F3: variants seen among roughly 807,000 people sequenced by gnomAD.
F3 encodes tissue factor.
In F3, 18 loss-of-function variants were observed where a neutral mutation model predicts 33.5. The ratio of observed to expected loss-of-function variants is 0.54; its 90% CI spans 0.37 to 0.80. The LOEUF (loss-of-function observed/expected upper bound fraction) is 0.80. F3 is among the 30% of genes least tolerant of loss of function. The pLI is 0.00. For synonymous variants in F3, 147 were observed against 140.7 expected, an observed-to-expected ratio of 1.05 and a Z score of -0.32; for missense variants, 353 against 362.1, an observed-to-expected ratio of 0.97 and a Z score of 0.20.
In F3 at chr1:94,532,313, C is replaced by A; in HGVS notation, c.751+8G>T. ...ACCCCCAGGCAAATGGCTGGCAGAG[C>A]CACTCACCTCTGAATTCCCCTTTCT... On this transcript the variant is annotated splice_region_variant and intron_variant, in intron 5 of 5. Transcript: ENST00000334047. 6.2e-7 allele frequency: 1 copy of A among 1,613,030 alleles called. No homozygotes were observed. Among genetic ancestry groups the A allele is most frequent in the Middle Eastern group, 1.7e-4 (1 of 6,012 alleles).
chr1:94,532,379 G>A lies in F3; in HGVS notation c.693C>T (p.Asn231=). 2 of 1,614,158 alleles carry A rather than the reference G, an allele frequency of 1.2e-6. No homozygotes were observed. Among genetic ancestry groups the A allele is most frequent in the South Asian group, 2.2e-5 (2 of 91,086 alleles). The change falls in exon 5 of 6, where the codon AAC becomes AAT. Residue 231 remains asparagine, a synonymous_variant. Transcript: ENST00000334047. ...CTACCGGGCTGTCTGTACTCTTCCG[G>A]TTAACTGTTCGGGAGGGAATCACTG... ...VQAVIPSRTV[N]RKSTDSPVEC...
chr1:94,541,439 C>A (rs1190384046), intron 1 of F3, 98 bp downstream of exon 1: 2 of 971,290 alleles, frequency 2.1e-6, no homozygotes, highest in Non-Finnish European at 2.8e-6. Context: ...ACAACATGGG[C>A]GCCCCGGGGA....
intron 2 of F3, among the ~76,000 whole-genome samples, chr1:94,538,899 C>A (rs532958721): frequency 6.6e-6 from 1 of 152,272 alleles, no homozygotes; most frequent in South Asian, 2.1e-4. Context: ...TGTAGCCCTG[C>A]GCTCTGCTGT....
intron 3 of F3, 42 bp from the exon 4 acceptor site, chr1:94,533,310 T>C (rs1297282165): frequency 1.3e-5 from 20 of 1,583,224 alleles, no homozygotes; most frequent in Non-Finnish European, 1.5e-5. Context: ...CAAAGAATTC[T>C]GTACAAAGTC....
chr1:94,531,759 G>C (rs1651435223), intron 5 of F3, among the ~76,000 whole-genome samples: 1 of 152,166 alleles, frequency 6.6e-6, no homozygotes, highest in Admixed American at 6.5e-5. Flanking sequence ...CGCACAATGG[G>C]CCTGAGCTCC....
chr1:94,536,433 C>T (rs922984718), intron 2 of F3, among the ~76,000 whole-genome samples: 1 of 152,120 alleles, frequency 6.6e-6, no homozygotes, highest in Non-Finnish European at 1.5e-5. Context: ...CCTAGCAACA[C>T]CGAGCACTTG....
intron 2 of F3, among the ~76,000 whole-genome samples, chr1:94,537,300 A>C (rs1570865592): frequency 6.6e-6 from 1 of 152,200 alleles, no homozygotes; most frequent in East Asian, 1.9e-4. Context: ...TGTCCCATGG[A>C]AAGTGACAGT....
chr1:94,537,156 A>C (rs1651630694), intron 2 of F3, among the ~76,000 whole-genome samples: 1 of 152,182 alleles, frequency 6.6e-6, no homozygotes, highest in Non-Finnish European at 1.5e-5. Context: ...TAAAAAGCTA[A>C]AGACAGATCT....
chr1:94,531,023 G>T (rs755593643), intron 5 of F3, among the ~76,000 whole-genome samples: 26 of 152,184 alleles, frequency 1.7e-4, no homozygotes, highest in Non-Finnish European at 3.1e-4. Flanking sequence ...GCCTTCTGGT[G>T]GAAGTGGCGT....
chr1:94,538,219 G>C (rs1395935371), intron 2 of F3, among the ~76,000 whole-genome samples: 2 of 152,230 alleles, frequency 1.3e-5, no homozygotes, highest in East Asian at 1.9e-4. Flanking sequence ...TTTGGTTGCA[G>C]GTTGTTTTCC....
At chr1:94,536,688 A>G (rs1283271805) in intron 2 of F3, among the ~76,000 whole-genome samples, 1 of 152,196 alleles carries the variant, frequency 6.6e-6, no homozygotes. Flanking sequence ...TTTTCCATCA[A>G]GATGAGGCAA....
intron 2 of F3, among the ~76,000 whole-genome samples, chr1:94,537,803 G>A (rs918467406): frequency 6.6e-6 from 1 of 152,196 alleles, no homozygotes; most frequent in African/African-American, 2.4e-5. Context: ...AAAGTAGAGA[G>A]GGTATTTTGT....
rs1173409750 is a variant in F3 at position 94,529,379 on chromosome 1, G to T, written c.*1081C>A. 1.3e-5 allele frequency: 2 copies of T among 152,222 alleles called. No individual in the cohort carries two copies. Among genetic ancestry groups the T allele is most frequent in the East Asian group, 3.9e-4 (2 of 5,180 alleles). The allele number at this position is 152,222 out of a possible 1,614,324, so 9.4% of individuals were successfully genotyped here. A position where few individuals can be genotyped will look rare whatever the true frequency, so the allele number is the denominator to read the frequency against. ...TAAATTATCTCAATATATACAAATAGAACAATATTACCTACATAAATAGAA... is the reference window on the plus strand; with the variant it reads ...TAAATTATCTCAATATATACAAATATAACAATATTACCTACATAAATAGAA... On this transcript the variant is annotated 3_prime_UTR_variant, in exon 6 of 6. Transcript: ENST00000334047.
At chr1:94,541,509 C>G (rs966045798) in intron 1 of F3, 28 bp downstream of exon 1, 3 of 1,443,766 alleles carry the variant, frequency 2.1e-6, no homozygotes, top group Non-Finnish European at 1.8e-6. Flanking sequence ...TGGCGCGCCC[C>G]GGGCTTCCAG....
chr1:94,530,382 T>C lies in F3; in HGVS notation c.*78A>G. On this transcript the variant is annotated 3_prime_UTR_variant, in exon 6 of 6. Transcript: ENST00000334047. ...CATGCTCCGAAATACTCATTTGCGT[T>C]TCCATGTATTCTATCCTCTTAAAAG... 2 of 1,568,436 alleles carry C rather than the reference T, an allele frequency of 1.3e-6. No homozygotes were observed. Among genetic ancestry groups the C allele is most frequent in the South Asian group, 1.2e-5 (1 of 86,502 alleles).
In F3 at chr1:94,541,565, C is replaced by CCAGCCGAGCAGGAG; in HGVS notation, c.58_71dup (p.Trp24CysfsTer26). ...AAGCGCCGGCCACCTGGGCGAAGAC[C>CCAGCCGAGCAGGAG]CAGCCGAGCAGGAGCGTCCGAGCGA... On this transcript the variant is annotated frameshift_variant, in exon 1 of 6. Coordinates refer to ENST00000334047, the MANE Select transcript of F3 (RefSeq NM_001993.5). LOFTEE classifies it high-confidence loss of function. 2 of 1,505,686 alleles carry CCAGCCGAGCAGGAG rather than the reference C, an allele frequency of 1.3e-6. No homozygotes were observed. The highest frequency in any genetic ancestry group is 1.8e-6 in the Non-Finnish European group (2 of 1,127,622). 93.3% of individuals were successfully genotyped at this position (1,505,686 alleles called of 1,614,324 possible). A position where few individuals can be genotyped will look rare whatever the true frequency, so the allele number is the denominator to read the frequency against.
In F3 at chr1:94,532,267, G is replaced by A; in HGVS notation, c.751+54C>T. The A allele has an allele frequency of 4.4e-6, 7 of 1,579,058 alleles. No homozygotes were observed. In the South Asian group the frequency reaches 5.8e-5, roughly 13 times the overall value. ...CCCTGAGGGTGGAGCTACTCCTCCAGAAGTCACCCACAGCACCCATACCCC... is the reference window on the plus strand; with the variant it reads ...CCCTGAGGGTGGAGCTACTCCTCCAAAAGTCACCCACAGCACCCATACCCC... On this transcript the variant is annotated intron_variant, in intron 5 of 5. Transcript: ENST00000334047.
chr1:94,541,724 AG>A lies in F3; in HGVS notation c.-89del. 3 of 725,188 alleles carry A rather than the reference AG, an allele frequency of 4.1e-6. No homozygotes were observed. The highest frequency in any genetic ancestry group is 6.0e-6 in the Non-Finnish European group (3 of 503,846). The allele number at this position is 725,188 out of a possible 1,614,324, so 44.9% of individuals were successfully genotyped here. A position where few individuals can be genotyped will look rare whatever the true frequency, so the allele number is the denominator to read the frequency against. ...GCTGAAGGCGCCCTGGGCCGGCCAG[AG>A]GGAGTGCGAGGGGGTGCGGGGAGCT... On this transcript the variant is annotated 5_prime_UTR_variant, in exon 1 of 6. Transcript: ENST00000334047.
intron 5 of F3, among the ~76,000 whole-genome samples, chr1:94,530,994 T>C (rs778340862): frequency 5.3e-5 from 8 of 152,098 alleles, no homozygotes; most frequent in Non-Finnish European, 1.0e-4. Flanking sequence ...AGATAGTAAC[T>C]AGTTGGTGCA....
Sources: allele counts gnomAD v4.1 joint callset (sites outside exome capture counted in the v4.1 genomes callset), GRCh38; gene constraint gnomAD v4.1.1; transcripts MANE v1.5; gene names NCBI Gene and HGNC (gene_info 2026-07-23, HGNC 2026-07-21).